The following MTMR14 variants were observed in gnomAD, a reference collection of about 807,000 sequenced individuals.
The protein encoded by MTMR14 is phosphatidylinositol-3,5-bisphosphate 3-phosphatase MTMR14.
MTMR14 carries 48 observed loss-of-function variants against 86.3 expected under a neutral mutation model. The ratio of observed to expected loss-of-function variants is 0.56; its 90% CI spans 0.44 to 0.71. MTMR14 has a LOEUF of 0.71. Among genes scored for constraint, MTMR14 ranks in the 30% least tolerant of loss-of-function variants. MTMR14 has a pLI of 0.00. For synonymous variants in MTMR14, 366 were observed against 326.1 expected (o/e 1.12, Z -1.32); for missense variants, 780 against 834.6 (o/e 0.93, Z 0.81).
intron 3 of MTMR14, among the ~76,000 whole-genome samples, chr3:9,666,785 T>C (rs904829653): frequency 6.6e-6 from 1 of 152,196 alleles, no homozygotes. Context: ...CGGACCGTAT[T>C]AGAGGCCATT....
At position 9,701,617 on chromosome 3, in the gene MTMR14, C is replaced by T; in HGVS notation, c.1770-173C>T. On this transcript the variant is annotated intron_variant, in intron 18 of 18. Transcript: ENST00000296003. The surrounding 1 kb of genome is among the most constrained non-coding windows in gnomAD (Gnocchi z 4.2). ...CTTAGAGGAATGGTTTAAGGGAAAACAGGGCCAGATATTTGGGGCCTGAAC... is the reference window on the plus strand; with the variant it reads ...CTTAGAGGAATGGTTTAAGGGAAAATAGGGCCAGATATTTGGGGCCTGAAC... The T allele has an allele frequency of 1.3e-6, 1 of 762,608 alleles. No homozygotes were observed. Among genetic ancestry groups the T allele is most frequent in the Admixed American group, 2.1e-5 (1 of 48,510 alleles). The allele number at this position is 762,608 out of a possible 1,614,324, so 47.2% of individuals were successfully genotyped here.
At chr3:9,690,736 T>G (rs968150671) in intron 17 of MTMR14, among the ~76,000 whole-genome samples, 8 of 152,200 alleles carry the variant, frequency 5.3e-5, no homozygotes, top group African/African-American at 1.9e-4. Context: ...GTCTGGCACT[T>G]GGGGAAAGCA....
chr3:9,690,801 C>G (rs1459819861), intron 17 of MTMR14, among the ~76,000 whole-genome samples: 5 of 152,176 alleles, frequency 3.3e-5, no homozygotes, highest in African/African-American at 1.2e-4. Context: ...GCTTTGTGTT[C>G]TAAAGTTTTG....
intron 17 of MTMR14, among the ~76,000 whole-genome samples, chr3:9,690,847 G>A (rs948275565): frequency 2.2e-4 from 34 of 152,166 alleles, no homozygotes; most frequent in African/African-American, 7.2e-4. Context: ...ATAAAGCAGC[G>A]TGGGACTTCA....
chr3:9,693,680 C>G (rs2076202311), intron 17 of MTMR14, among the ~76,000 whole-genome samples: 1 of 152,138 alleles, frequency 6.6e-6, no homozygotes, highest in African/African-American at 2.4e-5. Flanking sequence ...TGTAGGGCAG[C>G]AGAGGCAGGA....
chr3:9,656,439 T>C (rs1293021120), intron 2 of MTMR14, among the ~76,000 whole-genome samples: 1 of 152,018 alleles, frequency 6.6e-6, no homozygotes, highest in Non-Finnish European at 1.5e-5. Context: ...TTTTTTTTTT[T>C]AAGACAGAAT....
intron 11 of MTMR14, 29 bp from the exon 12 acceptor site, chr3:9,684,857 GCT>G (rs1366214022): frequency 1.1e-5 from 17 of 1,608,132 alleles, no homozygotes; most frequent in Non-Finnish European, 1.4e-5. Context: ...TGAGAAGAGG[GCT>G]CTGTCACATC....
At chr3:9,687,120 G>A (rs536856248) in intron 13 of MTMR14, among the ~76,000 whole-genome samples, 6 of 152,210 alleles carry the variant, frequency 3.9e-5, no homozygotes, top group East Asian at 1.9e-4. Flanking sequence ...TTCTCCCTGC[G>A]CCCAAGTCAT....
At chr3:9,683,317 G>A (rs1298286270) in intron 10 of MTMR14, 73 bp downstream of exon 10, 2 of 1,428,714 alleles carry the variant, frequency 1.4e-6, no homozygotes, top group East Asian at 2.3e-5. Context: ...TGCCTCAACT[G>A]TATGTTTGTT....
chr3:9,663,869 A>G (rs905723997), intron 3 of MTMR14, among the ~76,000 whole-genome samples: 5 of 146,770 alleles, frequency 3.4e-5, no homozygotes, highest in East Asian at 2.0e-4. Context: ...GCTCACTGCA[A>G]CCTCCACCTC....
intron 1 of MTMR14, among the ~76,000 whole-genome samples, chr3:9,650,065 G>A (rs1306044636): frequency 1.3e-5 from 2 of 152,124 alleles, no homozygotes; most frequent in Admixed American, 1.3e-4. Flanking sequence ...CCCTGCTTCA[G>A]GTGCCGTAGG....
chr3:9,687,928 G>A (rs754402462), intron 14 of MTMR14, 37 bp downstream of exon 14: 19 of 1,547,284 alleles, frequency 1.2e-5, no homozygotes, highest in Non-Finnish European at 1.6e-5. Context: ...CTGGGCCAGG[G>A]CGCTCTGAGA....
Position 9,689,067 on chromosome 3 carries a change from C to G in MTMR14, c.1418C>G (p.Pro473Arg), listed in dbSNP as rs1424754853. The G allele has an allele frequency of 6.2e-7, 1 of 1,612,196 alleles. No individual in the cohort carries two copies. Among genetic ancestry groups the G allele is most frequent in the Non-Finnish European group, 8.5e-7 (1 of 1,180,028 alleles). ...GTGGAGCTGGTCCCAGCAGGAGCGC[C>G]AACTCAGGCAGCTTGGTAAGGGGCC... is the stretch of plus-strand genomic sequence containing the variant. ...EAVELVPAGA[P>R]TQAAWRKSHS... The change falls in exon 16 of 19, where the codon CCA becomes CGA. Residue 473 changes from proline (P) to arginine (R), a missense_variant. Pro to Arg is a moderately radical substitution (Grantham distance 103). Coordinates refer to ENST00000296003, the MANE Select transcript of MTMR14 (RefSeq NM_001077525.3).
At chr3:9,652,974 C>T (rs1345363641) in intron 1 of MTMR14, among the ~76,000 whole-genome samples, 3 of 152,126 alleles carry the variant, frequency 2.0e-5, no homozygotes, top group Admixed American at 6.5e-5. Flanking sequence ...CCGTGGCTCA[C>T]GCCTGTAATC....
At chr3:9,695,050 G>C (rs1392623663) in intron 17 of MTMR14, among the ~76,000 whole-genome samples, 2 of 152,224 alleles carry the variant, frequency 1.3e-5, no homozygotes, top group Non-Finnish European at 1.5e-5. Flanking sequence ...TGTAGTGGGA[G>C]AGCAGAGGGG....
At position 9,684,947 on chromosome 3, in the gene MTMR14, T is replaced by C; in HGVS notation, c.1110T>C (p.Tyr370=). Residue 370 remains tyrosine (Y), a synonymous_variant, in exon 12 of 19, where the codon TAT becomes TAC. Transcript: ENST00000296003. Reference sequence around the variant, plus strand: ...AGATCCTCTACCTCACTGTGGCCTATGACTGGTTCCTCTTCGGGTAAGCCT... The same window carrying C: ...AGATCCTCTACCTCACTGTGGCCTACGACTGGTTCCTCTTCGGGTAAGCCT... The part of the protein sequence containing the change: ...PTEILYLTVA[Y]DWFLFGHMLV... 3 of 1,614,188 alleles carry C rather than the reference T, an allele frequency of 1.9e-6. No homozygotes were observed. The highest frequency in any genetic ancestry group is 2.5e-6 in the Non-Finnish European group (3 of 1,180,018).
intron 17 of MTMR14, among the ~76,000 whole-genome samples, chr3:9,694,335 T>C (rs780584781): frequency 7.2e-5 from 11 of 151,944 alleles, no homozygotes; most frequent in Non-Finnish European, 1.3e-4. Context: ...CCCCCTCCCG[T>C]AAGTTTGGGT....
At chr3:9,678,813 A>T (rs1452450225) in intron 9 of MTMR14, among the ~76,000 whole-genome samples, 1 of 152,182 alleles carries the variant, frequency 6.6e-6, no homozygotes, top group Admixed American at 6.5e-5. Context: ...GGAATTTTCC[A>T]CTGAGCTGTA....
chr3:9,692,662 GA>G (rs1250575118), intron 17 of MTMR14, among the ~76,000 whole-genome samples: 1 of 152,226 alleles, frequency 6.6e-6, no homozygotes, highest in African/African-American at 2.4e-5. Flanking sequence ...CATGCCCAAG[GA>G]GGGTTGGTGC....
Sources: gnomAD v4.1 joint callset for allele counts (sites outside exome capture counted in the v4.1 genomes callset) on GRCh38, gnomAD v4.1.1 for gene constraint, Gnocchi (gnomAD v3.1) non-coding constraint, MANE v1.5 for transcripts, NCBI Gene and HGNC (gene_info 2026-07-23, HGNC 2026-07-21) for gene names.